ASIC2: variants seen among roughly 807,000 people sequenced by gnomAD.
The protein encoded by ASIC2 is acid sensing ion channel subunit 2, also known as acid-sensing ion channel 2.
In ASIC2, 25 loss-of-function variants were observed where a neutral mutation model predicts 57.3. The ratio of observed to expected loss-of-function variants is 0.44; its 90% CI spans 0.32 to 0.61. ASIC2 has a LOEUF of 0.61. Among genes scored for constraint, ASIC2 ranks in the 20% least tolerant of loss-of-function variants. ASIC2 has a pLI of 0.06. For synonymous variants in ASIC2, 319 were observed against 307.5 expected, an observed-to-expected ratio of 1.04 and a Z score of -0.39; for missense variants, 641 against 738.1, an observed-to-expected ratio of 0.87 and a Z score of 1.52.
At chr17:33,579,483 T>C (rs908798089) in intron 1 of ASIC2, among the ~76,000 whole-genome samples, 16 of 152,004 alleles carry the variant, frequency 1.1e-4, no homozygotes, top group African/African-American at 3.4e-4. Flanking sequence ...TCATTGAGAA[T>C]CACGTGCCTT....
chr17:33,784,078 T>A (rs1259454668), intron 1 of ASIC2, among the ~76,000 whole-genome samples: 3 of 151,894 alleles, frequency 2.0e-5, no homozygotes, highest in Admixed American at 2.0e-4. Context: ...GAGACTGAAG[T>A]TTTGTGAGGT....
intron 1 of ASIC2, among the ~76,000 whole-genome samples, chr17:33,207,252 T>C (rs1227569525): frequency 6.6e-6 from 1 of 152,232 alleles, no homozygotes; most frequent in African/African-American, 2.4e-5. Flanking sequence ...TCTCATTCTT[T>C]GTTTCATTTA....
At chr17:33,263,193 G>A (rs746596287) in intron 1 of ASIC2, among the ~76,000 whole-genome samples, 17 of 152,200 alleles carry the variant, frequency 1.1e-4, no homozygotes, top group Middle Eastern at 6.8e-3. Flanking sequence ...AAGACAAGCC[G>A]GGGACCTCTA....
intron 1 of ASIC2, among the ~76,000 whole-genome samples, chr17:33,477,664 G>A (rs116074787): frequency 0.025 from 3,842 of 152,232 alleles, 55 homozygotes; most frequent in Middle Eastern, 0.085. Flanking sequence ...GTGTCCACAT[G>A]AACATGACCA....
chr17:33,597,407 T>A (rs1464416987), intron 1 of ASIC2, among the ~76,000 whole-genome samples: 1 of 152,116 alleles, frequency 6.6e-6, no homozygotes, highest in African/African-American at 2.4e-5. Flanking sequence ...AGTGCTTGGA[T>A]CTAACAATAT....
intron 1 of ASIC2, among the ~76,000 whole-genome samples, chr17:33,405,577 G>A (rs1910444754): frequency 6.7e-6 from 1 of 149,508 alleles, no homozygotes; most frequent in Non-Finnish European, 1.5e-5. Flanking sequence ...TCTGCCTCCT[G>A]GGTTCAAGCA....
intron 1 of ASIC2, among the ~76,000 whole-genome samples, chr17:33,312,742 C>A (rs1008481489): frequency 6.6e-6 from 1 of 152,160 alleles, no homozygotes; most frequent in Non-Finnish European, 1.5e-5. Flanking sequence ...CGAGACCAGC[C>A]TGACCAACAT....
At chr17:33,052,765 T>C (rs2091982445) in intron 3 of ASIC2, 1 of 152,206 alleles carries the variant, frequency 6.6e-6, no homozygotes. Flanking sequence ...ACTGCACAGA[T>C]AAACTAGGGC....
At chr17:34,098,790 T>C (rs889061870) in intron 1 of ASIC2, among the ~76,000 whole-genome samples, 3 of 152,156 alleles carry the variant, frequency 2.0e-5, no homozygotes, top group African/African-American at 7.2e-5. Flanking sequence ...TTTTTTTCTC[T>C]TATGAAACCT....
chr17:33,733,941 T>C (rs1909828373), intron 1 of ASIC2, among the ~76,000 whole-genome samples: 1 of 152,186 alleles, frequency 6.6e-6, no homozygotes, highest in African/African-American at 2.4e-5. Context: ...TGGAGGGCCC[T>C]TGGCACTGCT....
Position 33,502,102 on chromosome 17 carries a change from A to C in ASIC2, c.556-390035T>G, listed in dbSNP as rs531060296. ...TAGTGAGTTCCAGGCTACTGTCAAGATCTAGGGGGAAGGGGTGGGGTTCCA... is the reference window on the plus strand; with the variant it reads ...TAGTGAGTTCCAGGCTACTGTCAAGCTCTAGGGGGAAGGGGTGGGGTTCCA... On this transcript the variant is annotated intron_variant, in intron 1 of 9. Coordinates refer to the ASIC2 transcript ENST00000359872. Among the ~76,000 whole-genome samples, 6 of 151,996 alleles carry C rather than the reference A, an allele frequency of 3.9e-5. No individual in the cohort carries two copies. The South Asian group carries it at 1.2e-3, about 32-fold the overall frequency.
rs568140012 is a variant in ASIC2, at chr17:33,227,021, C to A, written c.708+64387G>T. Reference sequence around the variant, plus strand: ...AAAGGTCAATAACTTTTTTTTCAAGCCTTTCAAGCATTTGAAATCCAGTGG... The same window carrying A: ...AAAGGTCAATAACTTTTTTTTCAAGACTTTCAAGCATTTGAAATCCAGTGG... On this transcript the variant is annotated intron_variant, in intron 1 of 9. Coordinates refer to ENST00000225823, the MANE Select transcript of ASIC2 (RefSeq NM_183377.2). 2.6e-5 allele frequency among the ~76,000 whole-genome samples: 4 copies of A among 151,354 alleles called. No individual in the cohort carries two copies. In the East Asian group the frequency reaches 7.7e-4, roughly 29 times the overall value.
At chr17:33,820,648 T>C (rs867236462) in intron 1 of ASIC2, among the ~76,000 whole-genome samples, 6 of 152,178 alleles carry the variant, frequency 3.9e-5, no homozygotes, top group African/African-American at 1.2e-4. Flanking sequence ...CATTCTGAAA[T>C]TAAATAAAAC....
intron 1 of ASIC2, among the ~76,000 whole-genome samples, chr17:33,836,054 CATATATT>C (rs1174389811): frequency 7.2e-6 from 1 of 138,460 alleles, no homozygotes; most frequent in Non-Finnish European, 1.6e-5. Context: ...TTATGTATAT[CATATATT>C]ATATATATAC....
chr17:34,055,233 T>C (rs1245561025), intron 1 of ASIC2, among the ~76,000 whole-genome samples: 1 of 152,236 alleles, frequency 6.6e-6, no homozygotes, highest in Non-Finnish European at 1.5e-5. Context: ...TCGATTTATA[T>C]GTTAAAATAA....
At chr17:33,153,185 G>A (rs538030999) in intron 1 of ASIC2, among the ~76,000 whole-genome samples, 1 of 152,348 alleles carries the variant, frequency 6.6e-6, no homozygotes, top group Admixed American at 6.5e-5. Flanking sequence ...AGATCCCATA[G>A]CCAGGTGGGG....
chr17:33,578,025 G>T (rs1254386995), intron 1 of ASIC2, among the ~76,000 whole-genome samples: 2 of 152,250 alleles, frequency 1.3e-5, no homozygotes, highest in Non-Finnish European at 2.9e-5. Context: ...CACACAGCGA[G>T]GACTCAAGGA....
At chr17:33,709,095 T>C (rs984919883) in intron 1 of ASIC2, among the ~76,000 whole-genome samples, 2 of 152,212 alleles carry the variant, frequency 1.3e-5, no homozygotes, top group Admixed American at 1.3e-4. Context: ...AGGTAAACCC[T>C]ACATCTTTCT....
intron 2 of ASIC2, among the ~76,000 whole-genome samples, chr17:33,094,752 C>T (rs1382407793): frequency 6.6e-6 from 1 of 152,114 alleles, no homozygotes; most frequent in Non-Finnish European, 1.5e-5. Flanking sequence ...AGATTTTGTC[C>T]CCTAGTCCTA....
Sources: allele counts gnomAD v4.1 joint callset (sites outside exome capture counted in the v4.1 genomes callset), GRCh38; gene constraint gnomAD v4.1.1; transcripts MANE v1.5; gene names NCBI Gene and HGNC (gene_info 2026-07-23, HGNC 2026-07-21).